Variants in FAP observed in about 807,000 individuals in gnomAD.
The protein encoded by FAP is fibroblast activation protein alpha, also known as prolyl endopeptidase FAP.
Under a neutral mutation model 126.5 loss-of-function variants are expected in FAP, and 110 were observed. That is an observed-to-expected ratio of 0.87 (90% CI 0.74 to 1.02). FAP has a LOEUF of 1.02. Among genes scored for constraint, FAP ranks in the 50% least tolerant of loss-of-function variants. The pLI, the probability that FAP is intolerant of heterozygous loss-of-function variation, is 0.00. For synonymous variants in FAP, 334 were observed against 297.3 expected (o/e 1.12, Z -1.27); for missense variants, 919 against 909.2 (o/e 1.01, Z -0.14).
chr2:162,179,810 A>AT (rs1186933075), intron 21 of FAP, among the ~76,000 whole-genome samples: 44 of 107,142 alleles, frequency 4.1e-4, no homozygotes, highest in African/African-American at 8.7e-4. Context: ...ATATATATAT[A>AT]TATTTTTTTT....
Position 162,214,208 on chromosome 2 carries a change from ATTCCT to A in FAP, c.867-140_867-136del, listed in dbSNP as rs1269135802. 10 of 641,332 alleles carry A rather than the reference ATTCCT, an allele frequency of 1.6e-5. No homozygotes were observed. In the African/African-American group the frequency reaches 1.7e-4, roughly 11 times the overall value. The allele number at this position is 641,332 out of a possible 1,614,324, so 39.7% of individuals were successfully genotyped here. A position where few individuals can be genotyped will look rare whatever the true frequency, so the allele number is the denominator to read the frequency against. On this transcript the variant is annotated intron_variant, in intron 10 of 25. Transcript: ENST00000188790. ...ATTTAATAGGTAAGCAAGACAAAACATTCCTTTCTCTGGAGAGAAAGTTTAAATAT... is the reference window on the plus strand; with the variant it reads ...ATTTAATAGGTAAGCAAGACAAAACATTCTCTGGAGAGAAAGTTTAAATAT...
At chr2:162,236,510 C>A (rs1325727073) in intron 2 of FAP, among the ~76,000 whole-genome samples, 1 of 151,278 alleles carries the variant, frequency 6.6e-6, no homozygotes, top group Non-Finnish European at 1.5e-5. Context: ...TGTTATAGCA[C>A]CACTCATGTT....
intron 2 of FAP, among the ~76,000 whole-genome samples, chr2:162,236,880 C>G (rs917300189): frequency 2.6e-5 from 4 of 152,110 alleles, no homozygotes; most frequent in African/African-American, 9.7e-5. Flanking sequence ...GCAATTACCA[C>G]CACGCCTGGC....
At chr2:162,172,625 G>C in intron 25 of FAP, 186 bp downstream of exon 25, 1 of 549,648 alleles carries the variant, frequency 1.8e-6, no homozygotes, top group Non-Finnish European at 3.3e-6. Flanking sequence ...GAGGTGATCT[G>C]GTTTGCCTCG....
rs370914238 is a variant in FAP at position 162,189,128 on chromosome 2, T to C, written c.1594A>G (p.Lys532Glu). Reference protein sequence around the residue: ...MILPPQFDRSKKYPLLIQVYG... With the variant: ...MILPPQFDRSEKYPLLIQVYG... The stretch of plus-strand genomic sequence containing the variant: ...ACTTGAATTAGCAAGGGATACTTCT[T>C]TGATCTGTCAAATTGAGGAGGAAGA... Residue 532 changes from lysine (K) to glutamate (E), a missense_variant, in exon 19 of 26, where the codon AAG becomes GAG. Physicochemically the swap from Lys to Glu is moderately conservative, Grantham distance 56. Coordinates refer to ENST00000188790, the MANE Select transcript of FAP (RefSeq NM_004460.5). The C allele has an allele frequency of 3.7e-6, 6 of 1,603,928 alleles. No individual in the cohort carries two copies. The highest frequency in any genetic ancestry group is 3.4e-5 in the Admixed American group (2 of 58,880).
chr2:162,219,729 A>T (rs1689305086), intron 7 of FAP, 124 bp downstream of exon 7: 2 of 712,102 alleles, frequency 2.8e-6, no homozygotes, highest in Non-Finnish European at 2.4e-6. Flanking sequence ...TCCCGTTTTT[A>T]ACCACTAAAA....
At chr2:162,195,922 T>C (rs1688236980) in intron 16 of FAP, among the ~76,000 whole-genome samples, 1 of 152,136 alleles carries the variant, frequency 6.6e-6, no homozygotes, top group Non-Finnish European at 1.5e-5. Context: ...TAAAGTAGCA[T>C]GCTTGGCTCA....
intron 21 of FAP, among the ~76,000 whole-genome samples, chr2:162,180,662 G>A (rs1482381850): frequency 2.0e-5 from 3 of 152,188 alleles, no homozygotes; most frequent in Admixed American, 6.5e-5. Context: ...ACAGGAACAG[G>A]GGGAGGTTGA....
At chr2:162,218,804 G>C (rs950977701) in intron 8 of FAP, among the ~76,000 whole-genome samples, 2 of 151,892 alleles carry the variant, frequency 1.3e-5, no homozygotes, top group Non-Finnish European at 2.9e-5. Flanking sequence ...CGGCACCTGA[G>C]GACCATATAC....
chr2:162,212,497 A>G (rs978446096), intron 11 of FAP, among the ~76,000 whole-genome samples: 2 of 152,192 alleles, frequency 1.3e-5, no homozygotes, highest in Admixed American at 6.5e-5. Flanking sequence ...CGCTTCTAGC[A>G]TATTCCATCA....
chr2:162,181,423 A>G (rs1429141465), intron 21 of FAP, among the ~76,000 whole-genome samples: 3 of 152,146 alleles, frequency 2.0e-5, no homozygotes, highest in African/African-American at 7.2e-5. Context: ...CTCATTTTCT[A>G]TACTTTCCTC....
intron 16 of FAP, chr2:162,198,399 G>A: frequency 8.1e-7 from 1 of 1,233,414 alleles, no homozygotes; most frequent in Non-Finnish European, 1.1e-6. Context: ...CTCAGGTCTT[G>A]CGAAGCCTAG....
intron 2 of FAP, among the ~76,000 whole-genome samples, chr2:162,233,496 T>C (rs1324396194): frequency 6.6e-6 from 1 of 152,184 alleles, no homozygotes; most frequent in African/African-American, 2.4e-5. Flanking sequence ...GCATCATTCA[T>C]GTGCTTATTA....
intron 21 of FAP, chr2:162,176,397 AC>A (rs1260575652): frequency 6.6e-6 from 1 of 152,182 alleles, no homozygotes; most frequent in African/African-American, 2.4e-5. Context: ...CTCAGATTGT[AC>A]CATGGCCTCT....
chr2:162,194,847 C>G (rs1688189888), intron 16 of FAP, 99 bp from the exon 17 acceptor site: 2 of 1,008,894 alleles, frequency 2.0e-6, no homozygotes, highest in Non-Finnish European at 3.1e-6. Context: ...TGTCAAGTGC[C>G]AGTACATCTT....
intron 2 of FAP, among the ~76,000 whole-genome samples, chr2:162,235,246 C>T (rs1380616713): frequency 2.0e-5 from 3 of 152,036 alleles, no homozygotes; most frequent in East Asian, 3.9e-4. Flanking sequence ...CAAGCACTTC[C>T]CCCTGCTCCA....
chr2:162,189,113 G>A lies in FAP; in HGVS notation c.1609C>T (p.Leu537=). The change falls in exon 19 of 26, where the codon CTA becomes TTA. Residue 537 remains leucine, a synonymous_variant. Transcript: ENST00000188790. ...QFDRSKKYPL[L]IQVYGGPCSQ... is the part of the protein sequence containing the mutation. The stretch of plus-strand genomic sequence containing the variant: ...GAAAATATTACATACACTTGAATTA[G>A]CAAGGGATACTTCTTTGATCTGTCA... The A allele has an allele frequency of 6.3e-7, 1 of 1,589,640 alleles. No homozygotes were observed. The highest frequency in any genetic ancestry group is 8.6e-7 in the Non-Finnish European group (1 of 1,162,480).
rs1687390373 is a variant in FAP at position 162,173,679 on chromosome 2, T to C, written c.2034+44A>G. On this transcript the variant is annotated intron_variant, in intron 23 of 25. Transcript: ENST00000188790. ...ACTACTGCTTTTAAGTTATTTAGCA[T>C]ATTAGAAATTAATTATTAACCTAAA... The C allele has an allele frequency of 3.2e-6, 4 of 1,231,992 alleles. No individual in the cohort carries two copies. In the East Asian group the frequency reaches 9.3e-5, roughly 29 times the overall value. 76.3% of individuals were successfully genotyped at this position (1,231,992 alleles called of 1,614,324 possible).
At position 162,236,448 on chromosome 2, in the gene FAP, GTT is replaced by G. The variant is rs201709257; in HGVS notation, c.91+6458_91+6459del. ...GAGCTTAGGAAGTTTTTATGTTTTT[GTT>G]TTTTTTTTTTTGTGGGAAGTTTTAA... On this transcript the variant is annotated intron_variant, in intron 2 of 25. Coordinates refer to ENST00000188790, the MANE Select transcript of FAP (RefSeq NM_004460.5). 5.2e-4 allele frequency among the ~76,000 whole-genome samples: 69 copies of G among 133,062 alleles called. 2 individuals carry two copies. The East Asian group carries it at 0.014, about 27-fold the overall frequency. 87.3% of individuals were successfully genotyped at this position (133,062 alleles called of 152,430 possible).
Sources: allele counts gnomAD v4.1 joint callset (sites outside exome capture counted in the v4.1 genomes callset), GRCh38; gene constraint gnomAD v4.1.1; transcripts MANE v1.5; gene names NCBI Gene and HGNC (gene_info 2026-07-23, HGNC 2026-07-21).